The following SOX5 variants were observed in gnomAD, a reference collection of about 807,000 sequenced individuals.
SOX5 encodes the protein transcription factor SOX-5.
A neutral mutation model predicts 92.0 loss-of-function variants in SOX5; 9 were observed. The observed-to-expected ratio is 0.10, with a 90% CI of 0.06 to 0.17. The LOEUF is 0.17. Ranked by LOEUF, SOX5 falls within the 10% of genes least tolerant of loss-of-function variation. The probability of loss-of-function intolerance (pLI) is 1.00; values close to 1 mark genes in which losing one functional copy is unlikely to be tolerated. For synonymous variants in SOX5, 344 were observed against 336.3 expected (o/e 1.02, Z -0.25); for missense variants, 642 against 944.5 (o/e 0.68, Z 4.20).
At chr12:23,758,752 T>C (rs1256185152) in intron 3 of SOX5, among the ~76,000 whole-genome samples, 1 of 151,730 alleles carries the variant, frequency 6.6e-6, no homozygotes, top group Non-Finnish European at 1.5e-5. Context: ...TAATGGAAGG[T>C]ATTTAGGTCA....
intron 3 of SOX5, among the ~76,000 whole-genome samples, chr12:23,844,755 T>C (rs988858555): frequency 2.6e-5 from 4 of 152,214 alleles, no homozygotes; most frequent in African/African-American, 7.2e-5. Context: ...TTCCTTATAA[T>C]GTTTTATGTT....
intron 3 of SOX5, among the ~76,000 whole-genome samples, chr12:23,825,403 C>T (rs2142873047): frequency 6.6e-6 from 1 of 152,302 alleles, no homozygotes; most frequent in African/African-American, 2.4e-5. Flanking sequence ...GTGGGGTGCA[C>T]CCACTGTCTA....
At chr12:23,928,800 A>T (rs980597455) in intron 1 of SOX5, among the ~76,000 whole-genome samples, 18 of 151,942 alleles carry the variant, frequency 1.2e-4, no homozygotes, top group African/African-American at 4.3e-4. Flanking sequence ...GGCTAATAAA[A>T]GTAGCAGGCA....
intron 6 of SOX5, among the ~76,000 whole-genome samples, chr12:23,676,910 A>G (rs1003789871): frequency 6.6e-6 from 1 of 152,220 alleles, no homozygotes; most frequent in African/African-American, 2.4e-5. Context: ...GAGTAAGGGC[A>G]TAGCTAACTC....
At chr12:24,486,255 T>C (rs2137888343) in intron 1 of SOX5, among the ~76,000 whole-genome samples, 1 of 152,054 alleles carries the variant, frequency 6.6e-6, no homozygotes. Flanking sequence ...CTTCAGTAGA[T>C]AATGTGAAAC....
In SOX5 at chr12:24,557,507, ACCT is replaced by A. The variant is rs577678068; in HGVS notation, c.-251+4819_-251+4821del. ...AAATAACGTTTTGGATGAATCACAG[ACCT>A]ACAAATGAGATAGCCTTTCTCCTCT... is the stretch of plus-strand genomic sequence containing the variant. On this transcript the variant is annotated intron_variant, in intron 1 of 4. Coordinates refer to the SOX5 transcript ENST00000446891. Among the ~76,000 whole-genome samples, 49 of 152,244 alleles carry A rather than the reference ACCT, an allele frequency of 3.2e-4. No homozygotes were observed. The East Asian group carries it at 9.1e-3, about 28-fold the overall frequency.
chr12:23,966,783 A>G (rs1947635032), intron 4 of SOX5, among the ~76,000 whole-genome samples: 2 of 152,216 alleles, frequency 1.3e-5, no homozygotes, highest in Non-Finnish European at 2.9e-5. Flanking sequence ...ATTACAACTG[A>G]TACAAAAAAT....
chr12:23,738,911 T>C (rs2093699568), intron 5 of SOX5, among the ~76,000 whole-genome samples: 1 of 152,074 alleles, frequency 6.6e-6, no homozygotes, highest in Non-Finnish European at 1.5e-5. Context: ...ATATGGGCCA[T>C]ACCCAAAAAA....
chr12:24,005,385 T>C (rs906088440), intron 4 of SOX5, among the ~76,000 whole-genome samples: 1 of 152,160 alleles, frequency 6.6e-6, no homozygotes, highest in Non-Finnish European at 1.5e-5. Context: ...TTACTAAATA[T>C]CAAATTCATG....
intron 3 of SOX5, among the ~76,000 whole-genome samples, chr12:23,826,555 T>A (rs923045593): frequency 2.6e-5 from 4 of 152,130 alleles, no homozygotes; most frequent in Non-Finnish European, 5.9e-5. Flanking sequence ...ATATAAGGAC[T>A]GACAACTGAC....
chr12:23,991,364 C>T (rs1349006417), intron 4 of SOX5, among the ~76,000 whole-genome samples: 1 of 150,958 alleles, frequency 6.6e-6, no homozygotes, highest in Non-Finnish European at 1.5e-5. Flanking sequence ...TATATATATA[C>T]CACATATCAT....
intron 4 of SOX5, among the ~76,000 whole-genome samples, chr12:23,747,730 C>A (rs2094037766): frequency 6.6e-6 from 1 of 151,962 alleles, no homozygotes; most frequent in African/African-American, 2.4e-5. Flanking sequence ...CAGGTGGGAC[C>A]CTCACTCCTA....
chr12:24,472,298 G>A (rs1944899812), intron 1 of SOX5, among the ~76,000 whole-genome samples: 1 of 152,110 alleles, frequency 6.6e-6, no homozygotes, highest in African/African-American at 2.4e-5. Flanking sequence ...GGAATCCAGA[G>A]GTGCAAGACC....
intron 5 of SOX5, among the ~76,000 whole-genome samples, chr12:23,735,751 T>C (rs1332214561): frequency 6.6e-6 from 1 of 152,236 alleles, no homozygotes; most frequent in African/African-American, 2.4e-5. Context: ...AAGTATTTCC[T>C]AACTTAGGAA....
chr12:23,633,378 C>T (rs2078802398), intron 8 of SOX5, among the ~76,000 whole-genome samples: 1 of 152,044 alleles, frequency 6.6e-6, no homozygotes, highest in Non-Finnish European at 1.5e-5. Context: ...TAATTAGAAA[C>T]AGATTATTCA....
chr12:23,811,361 T>C (rs2095872670), intron 3 of SOX5, among the ~76,000 whole-genome samples: 2 of 152,140 alleles, frequency 1.3e-5, no homozygotes, highest in African/African-American at 2.4e-5. Flanking sequence ...AAAATGAATT[T>C]TTCAGCAGAC....
intron 2 of SOX5, among the ~76,000 whole-genome samples, chr12:23,876,589 A>C (rs2096929435): frequency 6.6e-6 from 1 of 152,206 alleles, no homozygotes; most frequent in African/African-American, 2.4e-5. Flanking sequence ...AAGGATCTAG[A>C]ACCAGAAATA....
At chr12:24,438,948 T>C (rs921507642) in intron 1 of SOX5, among the ~76,000 whole-genome samples, 2 of 152,252 alleles carry the variant, frequency 1.3e-5, no homozygotes, top group African/African-American at 4.8e-5. Flanking sequence ...AAAGAAGTTC[T>C]ACTGTGGGTA....
chr12:23,821,621 G>A (rs1360392463), intron 3 of SOX5, among the ~76,000 whole-genome samples: 4 of 152,156 alleles, frequency 2.6e-5, no homozygotes, highest in Admixed American at 2.0e-4. Context: ...CATCTCTTGA[G>A]ATAATCATAT....
Sources: gnomAD v4.1 joint callset for allele counts (sites outside exome capture counted in the v4.1 genomes callset) on GRCh38, gnomAD v4.1.1 for gene constraint, MANE v1.5 for transcripts, NCBI Gene and HGNC (gene_info 2026-07-23, HGNC 2026-07-21) for gene names.